WDR27: variants seen among roughly 807,000 people sequenced by gnomAD.
WDR27 encodes WD repeat-containing protein 27.
Under a neutral mutation model 114.4 loss-of-function variants are expected in WDR27, and 100 were observed. The observed-to-expected ratio is 0.87, with a 90% CI of 0.74 to 1.03. The LOEUF (loss-of-function observed/expected upper bound fraction) is 1.03. WDR27 is among the 50% of genes least tolerant of loss of function. WDR27 has a pLI of 0.00. For missense variants in WDR27, 1,129 were observed against 1,092.9 expected (o/e 1.03, Z -0.47); for synonymous variants, 449 against 423.1 (o/e 1.06, Z -0.75).
intron 25 of WDR27, among the ~76,000 whole-genome samples, chr6:169,485,463 A>G (rs1214431358): frequency 6.6e-6 from 1 of 152,232 alleles, no homozygotes; most frequent in African/African-American, 2.4e-5. Context: ...ACAATGAGAT[A>G]CCATCTCAAG....
intron 25 of WDR27, among the ~76,000 whole-genome samples, chr6:169,567,609 G>A (rs1800709402): frequency 6.6e-6 from 1 of 152,126 alleles, no homozygotes; most frequent in African/African-American, 2.4e-5. Flanking sequence ...AAGCAAGACT[G>A]AAGGCGGCGT....
At chr6:169,463,056 A>T (rs1785111344) in intron 25 of WDR27, among the ~76,000 whole-genome samples, 1 of 152,218 alleles carries the variant, frequency 6.6e-6, no homozygotes, top group South Asian at 2.1e-4. Context: ...AACAACCAAC[A>T]ACAAAAAAAG....
intron 16 of WDR27, among the ~76,000 whole-genome samples, chr6:169,647,037 T>A (rs1162796174): frequency 6.6e-6 from 1 of 152,174 alleles, no homozygotes; most frequent in Non-Finnish European, 1.5e-5. Context: ...TAGGACTTTG[T>A]GTCCAGCCCC....
rs41265391 is a variant in WDR27, at chr6:169,701,670, G to A, written c.-127C>T. 391 of 173,408 alleles carry A rather than the reference G, an allele frequency of 2.3e-3. No individual in the cohort carries two copies. The highest frequency in any genetic ancestry group is 3.7e-3 in the Non-Finnish European group (299 of 80,352). 10.7% of individuals were successfully genotyped at this position (173,408 alleles called of 1,614,324 possible). On this transcript the variant is annotated 5_prime_UTR_variant, in exon 1 of 26. Transcript: ENST00000448612. ...AATTCCCCTGGAGACCCTCGCACTA[G>A]CACGGCGTCAGGAGGAGGCTTCGGG...
chr6:169,648,223 G>A (rs747156022), intron 15 of WDR27, among the ~76,000 whole-genome samples: 27 of 152,166 alleles, frequency 1.8e-4, no homozygotes, highest in Non-Finnish European at 3.5e-4. Flanking sequence ...TGCCGCTGTG[G>A]GTGGCGTTGT....
At chr6:169,492,602 A>G (rs1392742603) in intron 25 of WDR27, among the ~76,000 whole-genome samples, 1 of 152,120 alleles carries the variant, frequency 6.6e-6, no homozygotes, top group Non-Finnish European at 1.5e-5. Flanking sequence ...GGCAAAATGA[A>G]GACATTTTCA....
In WDR27 at chr6:169,684,683, C is replaced by T. The variant is rs1216210903; in HGVS notation, c.189+4134G>A. ...CTGTGGGTTTCCCCCAGCAGATATG[C>T]TCTCAGACAAATCCAGCAGCTGTGT... On this transcript the variant is annotated intron_variant, in intron 2 of 25. Transcript: ENST00000448612. The surrounding 1 kb of genome is among the most constrained non-coding windows in gnomAD (Gnocchi z 4.3). Among the ~76,000 whole-genome samples, 1 of 152,210 alleles carries T rather than the reference C, an allele frequency of 6.6e-6. No homozygotes were observed. Among genetic ancestry groups the T allele is most frequent in the Non-Finnish European group, 1.5e-5 (1 of 68,042 alleles).
intron 25 of WDR27, among the ~76,000 whole-genome samples, chr6:169,483,984 T>C (rs532982132): frequency 8.4e-4 from 128 of 152,222 alleles, no homozygotes; most frequent in Middle Eastern, 3.4e-3. Context: ...TCCTTTTATA[T>C]TTAAAAATCT....
At chr6:169,452,972 C>T (rs1389092629), downstream of WDR27, among the ~76,000 whole-genome samples, 1 of 152,188 alleles carries the variant, frequency 6.6e-6, no homozygotes, top group Non-Finnish European at 1.5e-5. Flanking sequence ...TCAGCTTCCC[C>T]GGCCTCCCTC....
At chr6:169,530,109 T>C (rs1795413121) in intron 25 of WDR27, among the ~76,000 whole-genome samples, 1 of 152,216 alleles carries the variant, frequency 6.6e-6, no homozygotes, top group Non-Finnish European at 1.5e-5. Flanking sequence ...GCAATGAGTG[T>C]TTGCAGAGCC....
At chr6:169,489,807 G>C (rs2115428803) in intron 25 of WDR27, among the ~76,000 whole-genome samples, 1 of 152,326 alleles carries the variant, frequency 6.6e-6, no homozygotes, top group East Asian at 1.9e-4. Flanking sequence ...ATAATTTCAT[G>C]ATTTCTCAAA....
the WDR27 span, among the ~76,000 whole-genome samples, chr6:169,443,900 A>G: frequency 6.6e-6 from 1 of 152,196 alleles, no homozygotes; most frequent in Non-Finnish European, 1.5e-5. Context: ...CCAACCTGGC[A>G]TTGCCACCTC....
rs117485999 is a variant in WDR27 at position 169,571,790 on chromosome 6, A to T, written c.2645+629T>A. 1.4e-3 allele frequency among the ~76,000 whole-genome samples: 208 copies of T among 152,332 alleles called. 4 individuals carry two copies. In the East Asian group the frequency reaches 0.033, roughly 24 times the overall value. ...GGGTTTGAGGCTGTAGTCAGCCGTGATCACACCACTGGACTCCAGCCTGGG... is the reference window on the plus strand; with the variant it reads ...GGGTTTGAGGCTGTAGTCAGCCGTGTTCACACCACTGGACTCCAGCCTGGG... On this transcript the variant is annotated intron_variant, in intron 25 of 25. Transcript: ENST00000448612.
At chr6:169,498,834 C>T (rs1315068757) in intron 25 of WDR27, among the ~76,000 whole-genome samples, 2 of 152,068 alleles carry the variant, frequency 1.3e-5, no homozygotes, top group African/African-American at 2.4e-5. Context: ...GGTGGGGGAG[C>T]GTGCGTGGTT....
In WDR27 at chr6:169,533,002, C is replaced by T. The variant is rs527383423; in HGVS notation, c.2645+39417G>A. On this transcript the variant is annotated intron_variant, in intron 25 of 25. Coordinates refer to ENST00000448612, the MANE Select transcript of WDR27 (RefSeq NM_182552.5). Reference sequence around the variant, plus strand: ...CATATATATGTGTGTGTCAGACTCCCGAGATGTAGAGGTCTCAAGAGATCA... The same window carrying T: ...CATATATATGTGTGTGTCAGACTCCTGAGATGTAGAGGTCTCAAGAGATCA... Among the ~76,000 whole-genome samples the T allele has an allele frequency of 5.3e-5, 8 of 152,032 alleles. No homozygotes were observed. In the East Asian group the frequency reaches 1.4e-3, roughly 26 times the overall value.
chr6:169,658,220 C>A, intron 13 of WDR27, 56 bp downstream of exon 13: 2 of 1,399,666 alleles, frequency 1.4e-6, no homozygotes, highest in Non-Finnish European at 2.0e-6. Flanking sequence ...CAGCCCTAAC[C>A]ACAATGAGAA....
At chr6:169,452,644 G>A (rs977493152), downstream of WDR27, among the ~76,000 whole-genome samples, 5 of 152,176 alleles carry the variant, frequency 3.3e-5, no homozygotes, top group African/African-American at 1.2e-4. Flanking sequence ...GGAGGGCAAG[G>A]CGGAGCCCAG....
At chr6:169,608,114 T>C (rs1809636355) in intron 22 of WDR27, among the ~76,000 whole-genome samples, 1 of 152,176 alleles carries the variant, frequency 6.6e-6, no homozygotes, top group Non-Finnish European at 1.5e-5. Flanking sequence ...ACAGTAAATA[T>C]ATGGTATAAA....
At chr6:169,597,507 A>G (rs1328278384) in intron 23 of WDR27, among the ~76,000 whole-genome samples, 1 of 152,224 alleles carries the variant, frequency 6.6e-6, no homozygotes, top group Non-Finnish European at 1.5e-5. Context: ...AGAGTTGAGC[A>G]GACTCAAGGC....
Sources: allele counts gnomAD v4.1 joint callset (sites outside exome capture counted in the v4.1 genomes callset), GRCh38; gene constraint gnomAD v4.1.1; non-coding constraint Gnocchi (gnomAD v3.1); transcripts MANE v1.5; gene names NCBI Gene and HGNC (gene_info 2026-07-23, HGNC 2026-07-21).